Variants in TRPM7 observed in about 807,000 individuals in gnomAD.
TRPM7 encodes transient receptor potential cation channel subfamily M member 7.
Under a neutral mutation model 229.7 loss-of-function variants are expected in TRPM7, and 134 were observed. The observed-to-expected ratio is 0.58, with a 90% CI of 0.51 to 0.67. The LOEUF (loss-of-function observed/expected upper bound fraction) is 0.67. Among genes scored for constraint, TRPM7 ranks in the 30% least tolerant of loss-of-function variants. TRPM7 has a pLI of 0.00. For synonymous variants in TRPM7, 699 were observed against 715.2 expected, an observed-to-expected ratio of 0.98 and a Z score of 0.36; for missense variants, 1,901 against 2,210.0, an observed-to-expected ratio of 0.86 and a Z score of 2.80.
At position 50,561,046 on chromosome 15, in the gene TRPM7, A is replaced by ACT. The variant is rs2053289806; in HGVS notation, c.*630_*631dup. The ACT allele has an allele frequency of 6.6e-6, 1 of 150,830 alleles. No homozygotes were observed. The highest frequency in any genetic ancestry group is 2.4e-5 in the African/African-American group (1 of 41,098). The allele number at this position is 150,830 out of a possible 1,614,324, so 9.3% of individuals were successfully genotyped here. A position where few individuals can be genotyped will look rare whatever the true frequency, so the allele number is the denominator to read the frequency against. ...ATTTGGGTTCTATTTAAAAAAAAAA[A>ACT]CTGGCTCTATCTTTAAATATGGAGC... is the stretch of plus-strand genomic sequence containing the variant. On this transcript the variant is annotated 3_prime_UTR_variant, in exon 39 of 39. Transcript: ENST00000646667.
At chr15:50,635,318 T>TAAAAAAAAAA (rs71124393) in intron 7 of TRPM7, among the ~76,000 whole-genome samples, 1 of 42,916 alleles carries the variant, frequency 2.3e-5, no homozygotes, top group Admixed American at 3.6e-4. Flanking sequence ...CTCCCTCACA[T>TAAAAAAAAAA]AAAAAAAAAA....
chr15:50,686,382 C>T, intron 1 of TRPM7, 149 bp downstream of exon 1: 1 of 1,348,440 alleles, frequency 7.4e-7, no homozygotes, highest in Non-Finnish European at 1.1e-6. Flanking sequence ...CACACCCGTC[C>T]CGAGAGGACA....
In TRPM7 at chr15:50,592,462, C is replaced by T. The variant is rs755803433; in HGVS notation, c.3773G>A (p.Ser1258Asn). Residue 1258 changes from serine (S) to asparagine (N), a missense_variant, in exon 26 of 39, where the codon AGC becomes AAC. Ser to Asn is a conservative substitution (Grantham distance 46, BLOSUM62 1). This residue lies in a region of TRPM7 where 533 missense variants were observed against 497.1 expected (regional missense o/e 1.07). Coordinates refer to ENST00000646667, the MANE Select transcript of TRPM7 (RefSeq NM_017672.6). ...TCGTGTGATTTCATTATGAACTTTG[C>T]TAGCTTCCGACGCTTTCTGGGCAGT... is the stretch of plus-strand genomic sequence containing the variant. ...TLTAQKASEA[S>N]KVHNEITREL... 8 of 1,614,128 alleles carry T rather than the reference C, an allele frequency of 5.0e-6. No homozygotes were observed. The highest frequency in any genetic ancestry group is 1.1e-5 in the South Asian group (1 of 91,084).
chr15:50,614,242 T>C lies in TRPM7; in HGVS notation c.1516A>G (p.Lys506Glu), dbSNP rs1596197156. ...AGTCCTATATCAATCAGAGTGATCT[T>C]ATATCCTGGAGGAAGATTTCCCTAG... ...VKQGNLPPGYKITLIDIGLVI... is the reference protein window; with the variant it reads ...VKQGNLPPGYEITLIDIGLVI... The change falls in exon 14 of 39, where the codon AAG becomes GAG. Residue 506 changes from lysine (K) to glutamate (E), a missense_variant. Lys to Glu is a moderately conservative substitution (Grantham distance 56). Coordinates refer to ENST00000646667, the MANE Select transcript of TRPM7 (RefSeq NM_017672.6). The C allele has an allele frequency of 6.2e-7, 1 of 1,602,864 alleles. No individual in the cohort carries two copies. The highest frequency in any genetic ancestry group is 8.5e-7 in the Non-Finnish European group (1 of 1,176,780).
chr15:50,574,279 A>C lies in TRPM7; in HGVS notation c.5303T>G (p.Leu1768Trp), dbSNP rs1259717369. ...YTRGELLVLD[L>W]QGVGENLTDP... Reference sequence around the variant, plus strand: ...CAATATTTTAATAAATTTACCTTGCAAATCAAGTACCAGTAACTCCCCTCT... The same window carrying C: ...CAATATTTTAATAAATTTACCTTGCCAATCAAGTACCAGTAACTCCCCTCT... The change falls in exon 36 of 39, where the codon TTG becomes TGG. Residue 1768 changes from leucine (L) to tryptophan (W), a missense_variant. By Grantham distance (61) the Leu-to-Trp change is moderately conservative. Transcript: ENST00000646667. 6.2e-7 allele frequency: 1 copy of C among 1,613,156 alleles called. No individual in the cohort carries two copies. The highest frequency in any genetic ancestry group is 1.3e-5 in the African/African-American group (1 of 74,914).
chr15:50,662,473 C>T (rs1394932138), intron 2 of TRPM7, among the ~76,000 whole-genome samples: 1 of 152,130 alleles, frequency 6.6e-6, no homozygotes, highest in African/African-American at 2.4e-5. Flanking sequence ...AAGACACAGA[C>T]ACCTATAGTC....
At position 50,643,428 on chromosome 15, in the gene TRPM7, G is replaced by A. The variant is rs771897978; in HGVS notation, c.447C>T (p.His149=). 4 of 1,614,162 alleles carry A rather than the reference G, an allele frequency of 2.5e-6. No homozygotes were observed. Among genetic ancestry groups the A allele is most frequent in the East Asian group, 2.2e-5 (1 of 44,878 alleles). ...VHGGMQKFEL[H]PRIKQLLGKG... is the part of the protein sequence containing the mutation. Reference sequence around the variant, plus strand: ...TTCCAAGCAACTGCTTGATTCGTGGGTGAAGCTCAAATTTCTGCATGCCCC... The same window carrying A: ...TTCCAAGCAACTGCTTGATTCGTGGATGAAGCTCAAATTTCTGCATGCCCC... Residue 149 remains histidine, a synonymous_variant, in exon 5 of 39, where the codon CAC becomes CAT. Transcript: ENST00000646667.
chr15:50,606,180 A>G (rs11070799), intron 20 of TRPM7, among the ~76,000 whole-genome samples: 50,036 of 152,012 alleles, frequency 0.33, 10,044 homozygotes, highest in Admixed American at 0.47. Context: ...GGAGTTCAAG[A>G]CCAGCCTCAC....
At chr15:50,598,926 T>C (rs1377904101) in intron 22 of TRPM7, among the ~76,000 whole-genome samples, 196 bp downstream of exon 22, 1 of 152,226 alleles carries the variant, frequency 6.6e-6, no homozygotes, top group African/African-American at 2.4e-5. Flanking sequence ...TTCTAATACC[T>C]GCCACTAAAA....
At chr15:50,620,672 T>C (rs1249193493) in intron 12 of TRPM7, among the ~76,000 whole-genome samples, 4 of 152,230 alleles carry the variant, frequency 2.6e-5, no homozygotes, top group Admixed American at 2.6e-4. Flanking sequence ...GGCTCAAGCC[T>C]ATAATCCCAG....
At chr15:50,565,827 T>C (rs2053573335) in intron 38 of TRPM7, among the ~76,000 whole-genome samples, 1 of 119,252 alleles carries the variant, frequency 8.4e-6, no homozygotes, top group African/African-American at 2.9e-5. Flanking sequence ...AAACTCTTTT[T>C]GTTTTTTTTT....
intron 1 of TRPM7, among the ~76,000 whole-genome samples, chr15:50,685,515 A>G (rs1040006610): frequency 2.0e-5 from 3 of 152,252 alleles, no homozygotes; most frequent in Non-Finnish European, 2.9e-5. Context: ...TTATTTATTC[A>G]AAGTATTACT....
chr15:50,602,437 A>G (rs1014103818), intron 21 of TRPM7, among the ~76,000 whole-genome samples: 3 of 152,180 alleles, frequency 2.0e-5, no homozygotes, highest in Non-Finnish European at 2.9e-5. Context: ...AATGTAAATG[A>G]TGAGTTAATG....
intron 13 of TRPM7, among the ~76,000 whole-genome samples, chr15:50,618,569 CAATAAATAAATA>C (rs112152993): frequency 0.013 from 1,822 of 142,052 alleles, 32 homozygotes; most frequent in African/African-American, 0.042. Flanking sequence ...GATTCCGTCT[CAATAAATAAATA>C]AATAAATAAA....
At chr15:50,577,463 C>T (rs909265021) in intron 31 of TRPM7, among the ~76,000 whole-genome samples, 7 of 152,094 alleles carry the variant, frequency 4.6e-5, no homozygotes, top group Non-Finnish European at 7.4e-5. Context: ...AGGAGAACTG[C>T]TTGAACCTGG....
chr15:50,565,074 C>T (rs1440305622), intron 38 of TRPM7, among the ~76,000 whole-genome samples: 2 of 151,836 alleles, frequency 1.3e-5, no homozygotes, highest in African/African-American at 4.8e-5. Flanking sequence ...CTGTGCCTCT[C>T]GGGTTCAAGC....
chr15:50,637,432 T>C lies in TRPM7; in HGVS notation c.822A>G (p.Arg274=), dbSNP rs773574822. 5 of 1,613,126 alleles carry C rather than the reference T, an allele frequency of 3.1e-6. No homozygotes were observed. The Admixed American group carries it at 8.4e-5, about 27-fold the overall frequency. Residue 274 remains arginine, a synonymous_variant, in exon 7 of 39, where the codon AGA becomes AGG. Transcript: ENST00000646667. The part of the protein sequence containing the change: ...RELEKTINQQ[R]IHARIGQGVP... ...TGTGAATTCACTTACTAGCATGAAT[T>C]CTTTGCTGATTAATAGTTTTTTCAA...
chr15:50,637,958 T>C (rs2060956891), intron 6 of TRPM7, among the ~76,000 whole-genome samples: 1 of 152,230 alleles, frequency 6.6e-6, no homozygotes, highest in South Asian at 2.1e-4. Flanking sequence ...GGCTCATGCA[T>C]GTGATCCCGT....
At chr15:50,677,594 C>T (rs1343104486) in intron 1 of TRPM7, among the ~76,000 whole-genome samples, 1 of 151,766 alleles carries the variant, frequency 6.6e-6, no homozygotes, top group East Asian at 1.9e-4. Flanking sequence ...CAAAAATTAG[C>T]CGGGTGTGGT....
Sources: gnomAD v4.1 joint callset for allele counts (sites outside exome capture counted in the v4.1 genomes callset) on GRCh38, gnomAD v4.1.1 for gene constraint, gnomAD v4.1.1 regional missense constraint, MANE v1.5 for transcripts, NCBI Gene and HGNC (gene_info 2026-07-23, HGNC 2026-07-21) for gene names.